The following TAF2 variants were observed in gnomAD, a reference collection of about 807,000 sequenced individuals.
TAF2 encodes TATA-box binding protein associated factor 2.
Under a neutral mutation model 138.5 loss-of-function variants are expected in TAF2, and 61 were observed. That is an observed-to-expected ratio of 0.44 (90% confidence interval 0.36 to 0.54). TAF2 has a LOEUF of 0.54. Ranked by LOEUF, TAF2 falls within the 20% of genes least tolerant of loss-of-function variation. The pLI, the probability that TAF2 is intolerant of heterozygous loss-of-function variation, is 0.00. For synonymous variants in TAF2, 475 were observed against 469.9 expected (o/e 1.01, Z -0.14); for missense variants, 1,090 against 1,427.9 (o/e 0.76, Z 3.81).
intron 2 of TAF2, 137 bp from the exon 3 acceptor site, chr8:119,819,643 C>T: frequency 1.4e-6 from 1 of 695,448 alleles, no homozygotes; most frequent in Non-Finnish European, 2.5e-6. Context: ...CATATGCTCT[C>T]CAAGTATCTT....
At chr8:119,831,330 T>C (rs1015954088) in intron 2 of TAF2, among the ~76,000 whole-genome samples, 3 of 152,160 alleles carry the variant, frequency 2.0e-5, no homozygotes, top group Non-Finnish European at 4.4e-5. Context: ...GTGAGTGTAT[T>C]AATCTTAATT....
At chr8:119,778,734 C>A (rs1822433974) in intron 17 of TAF2, among the ~76,000 whole-genome samples, 1 of 152,202 alleles carries the variant, frequency 6.6e-6, no homozygotes, top group Non-Finnish European at 1.5e-5. Context: ...GGTAAATTAT[C>A]TGAAATGCAG....
chr8:119,793,323 T>C (rs1299287160), intron 10 of TAF2, 43 bp downstream of exon 10: 3 of 1,489,294 alleles, frequency 2.0e-6, no homozygotes, highest in South Asian at 1.1e-5. Context: ...AATTGTTATA[T>C]ATAGTCAAGG....
intron 3 of TAF2, among the ~76,000 whole-genome samples, chr8:119,808,759 C>A (rs1824842059): frequency 6.6e-6 from 1 of 152,182 alleles, no homozygotes; most frequent in African/African-American, 2.4e-5. Flanking sequence ...TCTTGGGTAA[C>A]CAGGTGTCTT....
At chr8:119,824,634 C>T (rs185788000) in intron 2 of TAF2, among the ~76,000 whole-genome samples, 1 of 152,252 alleles carries the variant, frequency 6.6e-6, no homozygotes, top group Admixed American at 6.5e-5. Context: ...GTTTTGTGGG[C>T]CAGGCCCAGG....
At chr8:119,735,342 T>C (rs1819156489) in intron 25 of TAF2, among the ~76,000 whole-genome samples, 1 of 152,214 alleles carries the variant, frequency 6.6e-6, no homozygotes, top group South Asian at 2.1e-4. Context: ...AACAGAATTA[T>C]ACAGTTGTGT....
At chr8:119,755,474 GC>G (rs1177578990) in intron 22 of TAF2, among the ~76,000 whole-genome samples, 2 of 152,018 alleles carry the variant, frequency 1.3e-5, no homozygotes, top group African/African-American at 2.4e-5. Flanking sequence ...TCCAACCTGG[GC>G]GACAGAAACT....
chr8:119,741,376 T>A (rs1819593974), intron 25 of TAF2, among the ~76,000 whole-genome samples: 1 of 152,282 alleles, frequency 6.6e-6, no homozygotes, highest in African/African-American at 2.4e-5. Flanking sequence ...TTATAATTTT[T>A]AAAAATGTAG....
At chr8:119,756,943 G>A (rs1285541097) in intron 21 of TAF2, among the ~76,000 whole-genome samples, 1 of 152,186 alleles carries the variant, frequency 6.6e-6, no homozygotes, top group Non-Finnish European at 1.5e-5. Context: ...CCAAGTTTGA[G>A]AAATTACTAA....
chr8:119,831,869 T>C lies in TAF2; in HGVS notation c.84-138A>G, dbSNP rs908073601. The stretch of plus-strand genomic sequence containing the variant: ...ACATGTCAATATTTCATTTTAAAAC[T>C]ACGAATTGGGGCCTGGTGCGGTGGC... On this transcript the variant is annotated intron_variant, in intron 1 of 25. Coordinates refer to ENST00000378164, the MANE Select transcript of TAF2 (RefSeq NM_003184.4). 7 of 584,016 alleles carry C rather than the reference T, an allele frequency of 1.2e-5. No individual in the cohort carries two copies. In the Admixed American group the frequency reaches 1.6e-4, roughly 14 times the overall value. The allele number at this position is 584,016 out of a possible 1,614,324, so 36.2% of individuals were successfully genotyped here.
chr8:119,807,436 TA>T (rs142576185), intron 3 of TAF2, among the ~76,000 whole-genome samples: 41,322 of 151,980 alleles, frequency 0.27, 6,886 homozygotes, highest in Admixed American at 0.46. Flanking sequence ...GAAATTAGTT[TA>T]AAAAAATACG....
chr8:119,745,091 A>C (rs1352517511), intron 23 of TAF2: 3 of 453,066 alleles, frequency 6.6e-6, no homozygotes, highest in Middle Eastern at 3.3e-4. Flanking sequence ...AGCTCATATT[A>C]TAGCTGAAAA....
At chr8:119,773,707 C>T (rs545300449) in intron 18 of TAF2, among the ~76,000 whole-genome samples, 14 of 151,358 alleles carry the variant, frequency 9.2e-5, no homozygotes, top group African/African-American at 3.1e-4. Flanking sequence ...TATAATTGAC[C>T]ACATATTCCT....
chr8:119,783,419 A>G lies in TAF2; in HGVS notation c.2074T>C (p.Tyr692His). The part of the protein sequence containing the change: ...TDILEQEQCF[Y>H]RVRMSACFCL... ...AAGCAAGCTGACATTCTTACTCTGTAGAAACACTGCTCTTGTTCTAATATA... is the reference window on the plus strand; with the variant it reads ...AAGCAAGCTGACATTCTTACTCTGTGGAAACACTGCTCTTGTTCTAATATA... The change falls in exon 16 of 26, where the codon TAC (tyrosine) becomes CAC (histidine). Residue 692 changes from tyrosine (Y) to histidine (H), a missense_variant. Around this residue, in one of 3 missense-constraint regions of TAF2, gnomAD observed 580 missense variants for 719.6 expected, o/e 0.81. Coordinates refer to ENST00000378164, the MANE Select transcript of TAF2 (RefSeq NM_003184.4). 6.2e-7 allele frequency: 1 copy of G among 1,614,166 alleles called. No homozygotes were observed. Among genetic ancestry groups the G allele is most frequent in the Non-Finnish European group, 8.5e-7 (1 of 1,180,014 alleles).
At chr8:119,822,537 T>C (rs1448881770) in intron 2 of TAF2, among the ~76,000 whole-genome samples, 1 of 152,170 alleles carries the variant, frequency 6.6e-6, no homozygotes, top group East Asian at 1.9e-4. Flanking sequence ...ACTCTTCTTT[T>C]GTAACACAAG....
At chr8:119,819,562 A>G in intron 2 of TAF2, 56 bp from the exon 3 acceptor site, 1 of 1,435,354 alleles carries the variant, frequency 7.0e-7, no homozygotes, top group African/African-American at 1.4e-5. Context: ...TTCAGAATAT[A>G]TTTCTTTTAT....
chr8:119,825,297 T>C (rs1441234882), intron 2 of TAF2, among the ~76,000 whole-genome samples: 1 of 152,256 alleles, frequency 6.6e-6, no homozygotes, highest in African/African-American at 2.4e-5. Context: ...ATTTCTGCCA[T>C]TTGGAATGGC....
At chr8:119,777,929 A>G in intron 18 of TAF2, 90 bp downstream of exon 18, 1 of 699,508 alleles carries the variant, frequency 1.4e-6, no homozygotes, top group Non-Finnish European at 2.4e-6. Flanking sequence ...TTATTTAGAA[A>G]CAAAATACCA....
rs1160135272 is a variant in TAF2 at position 119,783,519 on chromosome 8, A to G, written c.1974T>C (p.Asp658=). ...MWQYQLRYER[D]VVAQQESILA... ...AAATGGATTCCTGCTGTGCAACAACATCTCTCTCATAGCGGAGCTGATACT... is the reference window on the plus strand; with the variant it reads ...AAATGGATTCCTGCTGTGCAACAACGTCTCTCTCATAGCGGAGCTGATACT... Residue 658 remains aspartate, a synonymous_variant, in exon 16 of 26, where the codon GAT becomes GAC. Coordinates refer to ENST00000378164, the MANE Select transcript of TAF2 (RefSeq NM_003184.4). 4 of 1,614,020 alleles carry G rather than the reference A, an allele frequency of 2.5e-6. No individual in the cohort carries two copies. The highest frequency in any genetic ancestry group is 4.5e-5 in the East Asian group (2 of 44,890).
Sources: gnomAD v4.1 joint callset for allele counts (sites outside exome capture counted in the v4.1 genomes callset) on GRCh38, gnomAD v4.1.1 for gene constraint, gnomAD v4.1.1 regional missense constraint, MANE v1.5 for transcripts, NCBI Gene and HGNC (gene_info 2026-07-23, HGNC 2026-07-21) for gene names.